ENOX1: variants seen among roughly 807,000 people sequenced by gnomAD.
ENOX1 encodes the protein ecto-NOX disulfide-thiol exchanger 1, also known as candidate growth-related and time keeping constitutive hydroquinone (NADH) oxidase.
A neutral mutation model predicts 82.5 loss-of-function variants in ENOX1; 42 were observed. The observed-to-expected ratio is 0.51, with a 90% confidence interval of 0.40 to 0.66. The LOEUF is 0.66. Among genes scored for constraint, ENOX1 ranks in the 30% least tolerant of loss-of-function variants. The pLI is 0.00. For synonymous variants in ENOX1, 271 were observed against 282.2 expected (o/e 0.96, Z 0.40); for missense variants, 608 against 811.6 (o/e 0.75, Z 3.05).
intron 6 of ENOX1, 109 bp from the exon 7 acceptor site, chr13:43,360,166 G>C: frequency 1.1e-6 from 1 of 940,622 alleles, no homozygotes; most frequent in South Asian, 1.6e-5. Context: ...CTGAGTGACG[G>C]TAAATTTCTA....
chr13:43,694,266 G>T lies in ENOX1; in HGVS notation c.-284-26722C>A, dbSNP rs75387461. Among the ~76,000 whole-genome samples, 1,354 of 150,342 alleles carry T rather than the reference G, an allele frequency of 9.0e-3. 21 individuals are homozygous for T. Among genetic ancestry groups the T allele is most frequent in the African/African-American group, 0.031 (1,282 of 41,032 alleles). ...CAGAGAGAGAGACTAATTTGTTATT[G>T]AGCTAGTCTGTGCTAGAACAAAATC... is the stretch of plus-strand genomic sequence containing the variant. On this transcript the variant is annotated intron_variant, in intron 1 of 16. Coordinates refer to ENST00000690772, the MANE Select transcript of ENOX1 (RefSeq NM_001347969.2).
chr13:43,643,640 T>C (rs1331938433), intron 2 of ENOX1, among the ~76,000 whole-genome samples: 2 of 151,216 alleles, frequency 1.3e-5, no homozygotes, highest in African/African-American at 4.9e-5. Context: ...TGTGTATATA[T>C]ATATATATAC....
intron 15 of ENOX1, among the ~76,000 whole-genome samples, chr13:43,231,388 C>T (rs978839491): frequency 1.3e-5 from 2 of 152,182 alleles, no homozygotes; most frequent in African/African-American, 4.8e-5. Context: ...CGATCAAACA[C>T]TTGTGGTTTG....
chr13:43,512,615 TG>T (rs1358600128), intron 2 of ENOX1, among the ~76,000 whole-genome samples: 8 of 124,678 alleles, frequency 6.4e-5, no homozygotes, highest in East Asian at 3.5e-4. Flanking sequence ...CCAATGTGTG[TG>T]GGTTTTTTTT....
At chr13:43,523,940 C>T (rs1370391319) in intron 2 of ENOX1, among the ~76,000 whole-genome samples, 2 of 152,062 alleles carry the variant, frequency 1.3e-5, no homozygotes, top group East Asian at 3.9e-4. Flanking sequence ...TAAGAAGGTA[C>T]CACACTTAAT....
intron 3 of ENOX1, among the ~76,000 whole-genome samples, chr13:43,454,573 G>A (rs1200907269): frequency 6.6e-6 from 1 of 152,142 alleles, no homozygotes; most frequent in East Asian, 1.9e-4. Flanking sequence ...TTAGCACTCT[G>A]ATACTATCAC....
At chr13:43,431,654 C>G (rs149401946) in intron 3 of ENOX1, among the ~76,000 whole-genome samples, 5 of 152,138 alleles carry the variant, frequency 3.3e-5, no homozygotes, top group Admixed American at 2.6e-4. Context: ...CTCCCACATA[C>G]GCAAATTCAT....
intron 16 of ENOX1, among the ~76,000 whole-genome samples, chr13:43,215,552 A>C (rs1486997020): frequency 6.6e-6 from 1 of 152,216 alleles, no homozygotes; most frequent in Non-Finnish European, 1.5e-5. Flanking sequence ...ATTAAGATGC[A>C]TCTCCATTTT....
chr13:43,460,602 G>A (rs12868813), intron 3 of ENOX1, among the ~76,000 whole-genome samples: 13,262 of 151,882 alleles, frequency 0.087, 647 homozygotes, highest in East Asian at 0.17. Flanking sequence ...ACACCATCCC[G>A]GCTAACACGG....
intron 12 of ENOX1, among the ~76,000 whole-genome samples, chr13:43,290,102 G>A (rs933143390): frequency 2.0e-5 from 3 of 152,130 alleles, no homozygotes; most frequent in African/African-American, 7.2e-5. Context: ...ATGGAGAAAA[G>A]GGAACACTTA....
chr13:43,568,688 G>GTTTT (rs5803188), intron 2 of ENOX1, among the ~76,000 whole-genome samples: 14 of 147,528 alleles, frequency 9.5e-5, no homozygotes, highest in Non-Finnish European at 1.2e-4. Flanking sequence ...CAACTCCAGA[G>GTTTT]TTTTTTTTTT....
intron 12 of ENOX1, among the ~76,000 whole-genome samples, chr13:43,292,389 AG>A (rs1238974512): frequency 6.6e-6 from 1 of 152,206 alleles, no homozygotes; most frequent in Non-Finnish European, 1.5e-5. Flanking sequence ...CCCACCTATT[AG>A]GTCCATTATC....
intron 12 of ENOX1, among the ~76,000 whole-genome samples, chr13:43,280,221 C>T (rs2045300320): frequency 6.6e-6 from 1 of 152,156 alleles, no homozygotes; most frequent in African/African-American, 2.4e-5. Context: ...GCCCTGAAGG[C>T]CTACAGAAAT....
At chr13:43,646,234 C>G (rs74393869) in intron 2 of ENOX1, among the ~76,000 whole-genome samples, 1 of 152,286 alleles carries the variant, frequency 6.6e-6, no homozygotes, top group South Asian at 2.1e-4. Flanking sequence ...CCAGGAGTTT[C>G]GTGTCTTCTG....
At chr13:43,588,572 G>C (rs2081097101) in intron 2 of ENOX1, among the ~76,000 whole-genome samples, 1 of 152,192 alleles carries the variant, frequency 6.6e-6, no homozygotes, top group African/African-American at 2.4e-5. Flanking sequence ...GTTGAGGTTG[G>C]AATTTGAAGT....
At chr13:43,459,454 T>C (rs939946231) in intron 3 of ENOX1, 2 of 152,238 alleles carry the variant, frequency 1.3e-5, no homozygotes, top group African/African-American at 2.4e-5. Context: ...ATGTTAATGC[T>C]ATCATTATAC....
intron 12 of ENOX1, among the ~76,000 whole-genome samples, chr13:43,282,565 C>T (rs777118500): frequency 1.3e-5 from 2 of 151,364 alleles, no homozygotes; most frequent in South Asian, 2.1e-4. Flanking sequence ...CTGGAACTAC[C>T]GGCATGTGCC....
chr13:43,581,378 C>G (rs895910639), intron 2 of ENOX1, among the ~76,000 whole-genome samples: 2 of 151,824 alleles, frequency 1.3e-5, no homozygotes, highest in East Asian at 1.9e-4. Context: ...GTGATCCGCC[C>G]GCCTCAGCCT....
At chr13:43,326,666 C>T (rs750156642) in intron 9 of ENOX1, 141 bp from the exon 10 acceptor site, 112 of 711,874 alleles carry the variant, frequency 1.6e-4, no homozygotes, top group Non-Finnish European at 2.5e-4. Context: ...TTGTGCCTTT[C>T]GTACTTACAT....
Sources: allele counts gnomAD v4.1 joint callset (sites outside exome capture counted in the v4.1 genomes callset), GRCh38; gene constraint gnomAD v4.1.1; transcripts MANE v1.5; gene names NCBI Gene and HGNC (gene_info 2026-07-23, HGNC 2026-07-21).